PADI1: variants seen among roughly 807,000 people sequenced by gnomAD.
The protein encoded by PADI1 is peptidyl arginine deiminase 1, also known as protein-arginine deiminase type-1.
In PADI1, 65 loss-of-function variants were observed where a neutral mutation model predicts 74.8. The observed-to-expected ratio is 0.87, with a 90% CI of 0.71 to 1.07. The LOEUF is 1.07. Among genes scored for constraint, PADI1 ranks in the 50% least tolerant of loss-of-function variants. The pLI is 0.00. For missense variants in PADI1, 943 were observed against 854.0 expected, an observed-to-expected ratio of 1.10 and a Z score of -1.30; for synonymous variants, 371 against 336.2, an observed-to-expected ratio of 1.10 and a Z score of -1.13.
intron 1 of PADI1, 92 bp from the exon 2 acceptor site, chr1:17,222,198 G>A (rs2072173579): frequency 1.1e-6 from 1 of 887,834 alleles, no homozygotes; most frequent in Non-Finnish European, 1.8e-6. Flanking sequence ...CATTTGAACG[G>A]CCTGGCAGCC....
At chr1:17,207,313 A>C (rs1474583490) in intron 1 of PADI1, among the ~76,000 whole-genome samples, 1 of 152,070 alleles carries the variant, frequency 6.6e-6, no homozygotes, top group African/African-American at 2.4e-5. Flanking sequence ...TCTGCAGTTC[A>C]CTGTGGAGGT....
chr1:17,244,647 G>A lies in PADI1; in HGVS notation c.*404G>A, dbSNP rs2072848456. ...ACCTGGAACGGGGCCTGGGGGACCT[G>A]GGGTCTGGTGTGCCAGGCACCAGGC... On this transcript the variant is annotated 3_prime_UTR_variant, in exon 16 of 16. Coordinates refer to ENST00000375471, the MANE Select transcript of PADI1 (RefSeq NM_013358.3). 5.6e-6 allele frequency: 2 copies of A among 358,474 alleles called. No homozygotes were observed. The highest frequency in any genetic ancestry group is 9.3e-4 in the Middle Eastern group (1 of 1,078). 22.2% of individuals were successfully genotyped at this position (358,474 alleles called of 1,614,324 possible). A position where few individuals can be genotyped will look rare whatever the true frequency, so the allele number is the denominator to read the frequency against.
rs758984699 is a variant in PADI1, at chr1:17,205,179, G to A, written c.-39G>A. 2 of 1,560,606 alleles carry A rather than the reference G, an allele frequency of 1.3e-6. No homozygotes were observed. The highest frequency in any genetic ancestry group is 1.7e-5 in the Admixed American group (1 of 59,596). ...AAGTGCCCAGGACGGGAGCTGGGGAGCCAGGGCTGATCTAGGAGGCTGGGA... is the reference window on the plus strand; with the variant it reads ...AAGTGCCCAGGACGGGAGCTGGGGAACCAGGGCTGATCTAGGAGGCTGGGA... On this transcript the variant is annotated 5_prime_UTR_variant, in exon 1 of 16. Coordinates refer to ENST00000375471, the MANE Select transcript of PADI1 (RefSeq NM_013358.3).
intron 6 of PADI1, 61 bp from the exon 7 acceptor site, chr1:17,228,564 C>T: frequency 1.3e-6 from 2 of 1,573,776 alleles, no homozygotes; most frequent in Non-Finnish European, 1.7e-6. Flanking sequence ...GTCCTGGATT[C>T]CTGGGCTTGC....
At chr1:17,218,077 C>T (rs1195619829) in intron 1 of PADI1, among the ~76,000 whole-genome samples, 1 of 152,158 alleles carries the variant, frequency 6.6e-6, no homozygotes, top group African/African-American at 2.4e-5. Flanking sequence ...GTTTACGTCA[C>T]ATATCAGATT....
chr1:17,213,243 C>A lies in PADI1; in HGVS notation c.92+7934C>A, dbSNP rs144141734. ...AAAAAGAAAAGAAAGCTGATCAGCT[C>A]CAAGCCTGCCTTTCTTCATGGTCCA... On this transcript the variant is annotated intron_variant, in intron 1 of 15. Transcript: ENST00000375471. Among the ~76,000 whole-genome samples the A allele has an allele frequency of 9.4e-5, 14 of 148,698 alleles. No homozygotes were observed. In the Middle Eastern group the frequency reaches 0.01, roughly 108 times the overall value.
At chr1:17,217,308 G>A (rs1365955414) in intron 1 of PADI1, among the ~76,000 whole-genome samples, 1 of 152,190 alleles carries the variant, frequency 6.6e-6, no homozygotes, top group Non-Finnish European at 1.5e-5. Flanking sequence ...TGCCAGGTGG[G>A]CCGCAGTGTT....
intron 1 of PADI1, among the ~76,000 whole-genome samples, chr1:17,215,778 T>C (rs983996627): frequency 6.6e-6 from 1 of 152,118 alleles, no homozygotes; most frequent in African/African-American, 2.4e-5. Context: ...GGCACTAAGC[T>C]GGATGCAGAG....
intron 2 of PADI1, among the ~76,000 whole-genome samples, chr1:17,223,124 G>A (rs974725053): frequency 1.3e-5 from 2 of 152,136 alleles, no homozygotes; most frequent in Non-Finnish European, 2.9e-5. Context: ...GTCTCCTGTC[G>A]ACTGGGGCCA....
chr1:17,212,930 C>T (rs1241775089), intron 1 of PADI1, among the ~76,000 whole-genome samples: 1 of 152,228 alleles, frequency 6.6e-6, no homozygotes, highest in East Asian at 1.9e-4. Flanking sequence ...CGCCACCCTC[C>T]CTAGGCCTCC....
intron 10 of PADI1, among the ~76,000 whole-genome samples, chr1:17,231,234 A>G (rs183911735): frequency 7.4e-4 from 113 of 152,228 alleles, no homozygotes; most frequent in African/African-American, 2.6e-3. Flanking sequence ...ACTCCTACAG[A>G]TAAGTGCTAT....
At chr1:17,212,833 A>G (rs1052357613) in intron 1 of PADI1, among the ~76,000 whole-genome samples, 1 of 152,158 alleles carries the variant, frequency 6.6e-6, no homozygotes, top group Non-Finnish European at 1.5e-5. Context: ...GGACAAGAAG[A>G]TCACAGGCAC....
intron 6 of PADI1, among the ~76,000 whole-genome samples, chr1:17,226,821 G>C (rs972581525): frequency 2.6e-5 from 4 of 152,044 alleles, no homozygotes; most frequent in Non-Finnish European, 5.9e-5. Flanking sequence ...AGGCCGAGGA[G>C]GGTGGATCAC....
intron 1 of PADI1, among the ~76,000 whole-genome samples, chr1:17,207,334 G>C (rs553373242): frequency 2.0e-5 from 3 of 152,316 alleles, no homozygotes; most frequent in Admixed American, 2.0e-4. Flanking sequence ...GAAGTACCCA[G>C]ACCCTGGAGT....
At chr1:17,240,059 T>G in intron 14 of PADI1, 1 of 428,442 alleles carries the variant, frequency 2.3e-6, no homozygotes, top group Non-Finnish European at 4.3e-6. Context: ...TCTGAGCCTC[T>G]CATCTGAGAA....
chr1:17,228,641 G>C lies in PADI1; in HGVS notation c.669G>C (p.Ser223=). The C allele has an allele frequency of 6.2e-7, 1 of 1,614,160 alleles. No individual in the cohort carries two copies. The highest frequency in any genetic ancestry group is 8.5e-7 in the Non-Finnish European group (1 of 1,180,016). The change falls in exon 7 of 16, where the codon TCG becomes TCC. Residue 223 remains serine (S), a synonymous_variant. Coordinates refer to ENST00000375471, the MANE Select transcript of PADI1 (RefSeq NM_013358.3). ...VFCARGGNSL[S]DYKQVLGPQC... is the part of the protein sequence containing the mutation. The stretch of plus-strand genomic sequence containing the variant: ...TCTTCCTAGGTGGGAATTCTCTCTC[G>C]GACTACAAACAGGTGCTGGGGCCCC...
chr1:17,240,938 C>A (rs1013014087), intron 15 of PADI1, among the ~76,000 whole-genome samples, 178 bp downstream of exon 15: 1 of 152,158 alleles, frequency 6.6e-6, no homozygotes, highest in Non-Finnish European at 1.5e-5. Context: ...CAATTTTGCC[C>A]CCAGGGGATT....
Position 17,244,271 on chromosome 1 carries a change from C to T in PADI1, c.*28C>T, listed in dbSNP as rs774084505. Reference sequence around the variant, plus strand: ...CTGCCCCCACCCGCCATCCTCTCTGCCCTCTTGCTAGGGAACCCTGCCAGG... The same window carrying T: ...CTGCCCCCACCCGCCATCCTCTCTGTCCTCTTGCTAGGGAACCCTGCCAGG... On this transcript the variant is annotated 3_prime_UTR_variant, in exon 16 of 16. Coordinates refer to ENST00000375471, the MANE Select transcript of PADI1 (RefSeq NM_013358.3). 4.5e-6 allele frequency: 7 copies of T among 1,556,594 alleles called. No individual in the cohort carries two copies. The highest frequency in any genetic ancestry group is 1.4e-5 in the African/African-American group (1 of 73,638).
rs2072849671 is a variant in PADI1, at chr1:17,244,710, A to G, written c.*467A>G. The G allele has an allele frequency of 2.9e-6, 1 of 350,634 alleles. No individual in the cohort carries two copies. The highest frequency in any genetic ancestry group is 3.9e-5 in the Admixed American group (1 of 25,822). 21.7% of individuals were successfully genotyped at this position (350,634 alleles called of 1,614,324 possible). On this transcript the variant is annotated 3_prime_UTR_variant, in exon 16 of 16. Coordinates refer to ENST00000375471, the MANE Select transcript of PADI1 (RefSeq NM_013358.3). ...TGGAAAACTAGGAAAGGGGATCAGA[A>G]ACATCCTCTCCCCGCTCTAGGTTTC...
Sources: allele counts gnomAD v4.1 joint callset (sites outside exome capture counted in the v4.1 genomes callset), GRCh38; gene constraint gnomAD v4.1.1; transcripts MANE v1.5; gene names NCBI Gene and HGNC (gene_info 2026-07-23, HGNC 2026-07-21).